The following PPFIA2 variants were observed in gnomAD, a reference collection of about 807,000 sequenced individuals.
PPFIA2 encodes the protein liprin-alpha-2.
In PPFIA2, 46 loss-of-function variants were observed where a neutral mutation model predicts 175.5. The ratio of observed to expected loss-of-function variants is 0.26; its 90% CI spans 0.21 to 0.34. The LOEUF (loss-of-function observed/expected upper bound fraction) is 0.34. Ranked by LOEUF, PPFIA2 falls within the 10% of genes least tolerant of loss-of-function variation. The pLI, the probability that PPFIA2 is intolerant of heterozygous loss-of-function variation, is 1.00. For synonymous variants in PPFIA2, 568 were observed against 511.4 expected (o/e 1.11, Z -1.49); for missense variants, 1,179 against 1,506.1 (o/e 0.78, Z 3.60).
chr12:81,557,858 C>G (rs1003600462), intron 4 of PPFIA2, among the ~76,000 whole-genome samples: 1 of 151,882 alleles, frequency 6.6e-6, no homozygotes, highest in Non-Finnish European at 1.5e-5. Flanking sequence ...AGTGCTTATG[C>G]TAAAATATAA....
chr12:81,633,725 GATA>G (rs1446719636), intron 4 of PPFIA2, among the ~76,000 whole-genome samples: 3 of 152,042 alleles, frequency 2.0e-5, no homozygotes, highest in Non-Finnish European at 2.9e-5. Flanking sequence ...TAATTAAGTA[GATA>G]ATGAGATTAA....
At position 81,642,664 on chromosome 12, in the gene PPFIA2, T is replaced by C. The variant is rs570650027; in HGVS notation, c.303+34127A>G. On this transcript the variant is annotated intron_variant, in intron 4 of 32. Transcript: ENST00000549396. ...TATACATACATGTATGTATCTATTATATACATACATGTATGTATCTATTAT... is the reference window on the plus strand; with the variant it reads ...TATACATACATGTATGTATCTATTACATACATACATGTATGTATCTATTAT... 9.1e-4 allele frequency among the ~76,000 whole-genome samples: 104 copies of C among 113,818 alleles called. 10 individuals are homozygous for C. Among genetic ancestry groups the C allele is most frequent in the African/African-American group, 3.0e-3 (93 of 31,382 alleles). The allele number at this position is 113,818 out of a possible 152,430, so 74.7% of individuals were successfully genotyped here.
chr12:81,739,122 C>T (rs932750012), intron 3 of PPFIA2, among the ~76,000 whole-genome samples: 2 of 151,828 alleles, frequency 1.3e-5, no homozygotes, highest in African/African-American at 4.8e-5. Context: ...GAAGTAGAAA[C>T]TCTATAATTA....
intron 4 of PPFIA2, among the ~76,000 whole-genome samples, chr12:81,611,222 C>T (rs1487139819): frequency 6.6e-6 from 1 of 152,120 alleles, no homozygotes; most frequent in Non-Finnish European, 1.5e-5. Flanking sequence ...ACGAGCCTCT[C>T]TTGGGCAAAG....
At chr12:81,667,094 G>C (rs1365411749) in intron 4 of PPFIA2, among the ~76,000 whole-genome samples, 1 of 151,794 alleles carries the variant, frequency 6.6e-6, no homozygotes, top group Non-Finnish European at 1.5e-5. Flanking sequence ...ATCATCTTTG[G>C]GGCATATACA....
chr12:81,734,639 C>G (rs2081341861), intron 3 of PPFIA2, among the ~76,000 whole-genome samples: 2 of 151,702 alleles, frequency 1.3e-5, no homozygotes, highest in African/African-American at 4.8e-5. Context: ...GAAAACTTCT[C>G]TAGGTGATTG....
At chr12:81,613,677 G>A (rs1440196001) in intron 4 of PPFIA2, among the ~76,000 whole-genome samples, 1 of 152,062 alleles carries the variant, frequency 6.6e-6, no homozygotes, top group Non-Finnish European at 1.5e-5. Flanking sequence ...GAGATAATAA[G>A]TTTCCTTAGT....
intron 3 of PPFIA2, among the ~76,000 whole-genome samples, chr12:81,697,248 G>A (rs1308308977): frequency 2.0e-5 from 3 of 152,068 alleles, no homozygotes; most frequent in Non-Finnish European, 4.4e-5. Context: ...ATATTTCTCA[G>A]TAAATCTTTT....
chr12:81,568,097 C>G (rs778079218), intron 4 of PPFIA2, among the ~76,000 whole-genome samples: 1 of 152,142 alleles, frequency 6.6e-6, no homozygotes, highest in Non-Finnish European at 1.5e-5. Flanking sequence ...GTTTAATATG[C>G]AATTCATGTA....
At chr12:81,546,907 A>G (rs2067087173) in intron 4 of PPFIA2, among the ~76,000 whole-genome samples, 2 of 152,120 alleles carry the variant, frequency 1.3e-5, no homozygotes, top group African/African-American at 2.4e-5. Flanking sequence ...ACTGGTCCAG[A>G]GAACTTCTGA....
At chr12:81,440,316 T>C (rs2049936466) in intron 6 of PPFIA2, among the ~76,000 whole-genome samples, 1 of 152,144 alleles carries the variant, frequency 6.6e-6, no homozygotes, top group Non-Finnish European at 1.5e-5. Flanking sequence ...TGACTTGTCT[T>C]GCTCTGAATT....
chr12:81,632,439 C>T (rs1047004388), intron 4 of PPFIA2, among the ~76,000 whole-genome samples: 3 of 151,874 alleles, frequency 2.0e-5, no homozygotes, highest in Non-Finnish European at 2.9e-5. Flanking sequence ...TTGAGAGACA[C>T]AAAATATCAT....
intron 3 of PPFIA2, among the ~76,000 whole-genome samples, chr12:81,677,217 TTTTA>T (rs2072706013): frequency 2.6e-5 from 4 of 151,956 alleles, no homozygotes; most frequent in Non-Finnish European, 5.9e-5. Context: ...TTTAATTTTT[TTTTA>T]TTTTTTATGA....
chr12:81,694,003 C>T (rs1014954841), intron 3 of PPFIA2, among the ~76,000 whole-genome samples: 2 of 151,694 alleles, frequency 1.3e-5, no homozygotes, highest in Non-Finnish European at 2.9e-5. Flanking sequence ...TGTGGTCTGG[C>T]TACTTTTAAT....
At chr12:81,421,226 G>A (rs2046187818) in intron 7 of PPFIA2, among the ~76,000 whole-genome samples, 1 of 152,032 alleles carries the variant, frequency 6.6e-6, no homozygotes, top group African/African-American at 2.4e-5. Context: ...GCATGTAAGA[G>A]TATAAATCTC....
At chr12:81,280,139 G>T (rs2041723612) in intron 27 of PPFIA2, among the ~76,000 whole-genome samples, 1 of 151,986 alleles carries the variant, frequency 6.6e-6, no homozygotes, top group African/African-American at 2.4e-5. Flanking sequence ...TCACTGTATG[G>T]TAGCACTTTT....
At chr12:81,566,456 G>A (rs1246065022) in intron 4 of PPFIA2, among the ~76,000 whole-genome samples, 11 of 148,892 alleles carry the variant, frequency 7.4e-5, no homozygotes, top group East Asian at 6.1e-4. Flanking sequence ...GCCGGGAGGC[G>A]GAGGTTGCAG....
At chr12:81,683,234 C>A (rs1404471038) in intron 3 of PPFIA2, among the ~76,000 whole-genome samples, 1 of 152,034 alleles carries the variant, frequency 6.6e-6, no homozygotes, top group South Asian at 2.1e-4. Context: ...GCAAACCCCA[C>A]TAAGTCTATT....
intron 4 of PPFIA2, among the ~76,000 whole-genome samples, chr12:81,637,824 A>G (rs892230521): frequency 6.6e-6 from 1 of 152,078 alleles, no homozygotes; most frequent in Non-Finnish European, 1.5e-5. Flanking sequence ...TGTGCCATAT[A>G]CCATGGTCTA....
Sources: allele counts gnomAD v4.1 joint callset (sites outside exome capture counted in the v4.1 genomes callset), GRCh38; gene constraint gnomAD v4.1.1; transcripts MANE v1.5; gene names NCBI Gene and HGNC (gene_info 2026-07-23, HGNC 2026-07-21).